CEP152: variants seen among roughly 807,000 people sequenced by gnomAD.
CEP152 encodes centrosomal protein of 152 kDa.
CEP152 carries 132 observed loss-of-function variants against 188.9 expected under a neutral mutation model. The ratio of observed to expected loss-of-function variants is 0.70; its 90% CI spans 0.61 to 0.81. The LOEUF is 0.81. Among genes scored for constraint, CEP152 ranks in the 30% least tolerant of loss-of-function variants. CEP152 has a pLI of 0.00. For synonymous variants in CEP152, 649 were observed against 666.6 expected (o/e 0.97, Z 0.41); for missense variants, 1,914 against 1,969.8 (o/e 0.97, Z 0.54).
chr15:48,741,574 A>C, intron 26 of CEP152, 27 bp downstream of exon 26: 2 of 1,614,024 alleles, frequency 1.2e-6, no homozygotes, highest in Non-Finnish European at 1.7e-6. Flanking sequence ...AGATAGAAAA[A>C]CCATTTGGCG....
In CEP152 at chr15:48,738,333, A is replaced by C; in HGVS notation, c.5049T>G (p.Cys1683Trp). 1 of 1,614,184 alleles carries C rather than the reference A, an allele frequency of 6.2e-7. No individual in the cohort carries two copies. Among genetic ancestry groups the C allele is most frequent in the East Asian group, 2.2e-5 (1 of 44,888 alleles). Residue 1683 changes from cysteine (C) to tryptophan (W), a missense_variant, in exon 27 of 27, where the codon TGT becomes TGG. Physicochemically the swap from Cys to Trp is radical, Grantham distance 215 (BLOSUM62 -2). Coordinates refer to ENST00000380950, the MANE Select transcript of CEP152 (RefSeq NM_001194998.2). Reference protein sequence around the residue: ...KLSSTLPSSVCQQPSRKLIVP... With the variant: ...KLSSTLPSSVWQQPSRKLIVP... Reference sequence around the variant, plus strand: ...CAATTAATTTTCTTGAAGGCTGCTGACACACTGAAGATGGTAATGTACTGC... The same window carrying C: ...CAATTAATTTTCTTGAAGGCTGCTGCCACACTGAAGATGGTAATGTACTGC...
chr15:48,738,777 T>C lies in CEP152; in HGVS notation c.4605A>G (p.Val1535=), dbSNP rs1176662106. Residue 1535 remains valine, a synonymous_variant, in exon 27 of 27, where the codon GTA becomes GTG. Transcript: ENST00000380950. Reference sequence around the variant, plus strand: ...TTTCCATTAGTGGATTGCATTTATATACTTTTAAACCAAGTCTTTCATTAG... The same window carrying C: ...TTTCCATTAGTGGATTGCATTTATACACTTTTAAACCAAGTCTTTCATTAG... ...RDSNERLGLK[V]YKCNPLMESE... The C allele has an allele frequency of 3.1e-6, 5 of 1,614,112 alleles. No individual in the cohort carries two copies. The Admixed American group carries it at 5.0e-5, about 16-fold the overall frequency.
intron 2 of CEP152, among the ~76,000 whole-genome samples, chr15:48,731,660 T>C (rs868659103): frequency 6.4e-4 from 97 of 152,160 alleles, no homozygotes; most frequent in African/African-American, 2.1e-3. Flanking sequence ...CAAAAGCAAT[T>C]GCAACAAAAA....
In CEP152 at chr15:48,738,838, G is replaced by T. The variant is rs1892754016; in HGVS notation, c.4544C>A (p.Ser1515Tyr). The change falls in exon 27 of 27, where the codon TCT becomes TAT. Residue 1515 changes from serine (S) to tyrosine (Y), a missense_variant. Ser to Tyr is a moderately radical substitution (Grantham distance 144, BLOSUM62 -2). Coordinates refer to ENST00000380950, the MANE Select transcript of CEP152 (RefSeq NM_001194998.2). ...KPSPRCTPGPSESGCMHITFR... is the reference protein window; with the variant it reads ...KPSPRCTPGPYESGCMHITFR... ...GGTTATATGCATGCATCCTGATTCA[G>T]AAGGACCAGGGGTACATCTAGGTGA... is the stretch of plus-strand genomic sequence containing the variant. 1 of 1,614,198 alleles carries T rather than the reference G, an allele frequency of 6.2e-7. No homozygotes were observed. The highest frequency in any genetic ancestry group is 8.5e-7 in the Non-Finnish European group (1 of 1,180,034).
intron 12 of CEP152, 96 bp from the exon 13 acceptor site, chr15:48,772,787 GT>G: frequency 9.8e-7 from 1 of 1,019,272 alleles, no homozygotes; most frequent in Non-Finnish European, 1.5e-6. Context: ...AACATGTTTT[GT>G]CACCTATACA....
intron 1 of CEP152, chr15:48,810,496 AT>A (rs1384164985): frequency 6.6e-5 from 10 of 152,406 alleles, no homozygotes; most frequent in African/African-American, 2.2e-4. Context: ...CACAATAAGC[AT>A]CCACAGGCTG....
intron 15 of CEP152, 41 bp downstream of exon 15, chr15:48,768,178 G>A (rs1895263071): frequency 1.7e-6 from 2 of 1,153,262 alleles, no homozygotes; most frequent in Non-Finnish European, 2.6e-6. Context: ...GAGGGGAAGG[G>A]TACCCAGGAG....
intron 19 of CEP152, among the ~76,000 whole-genome samples, chr15:48,759,501 A>G (rs2140694381): frequency 6.6e-6 from 1 of 152,344 alleles, no homozygotes; most frequent in Admixed American, 6.5e-5. Context: ...GACTCAATAC[A>G]GTCTGAGTTG....
At chr15:48,770,311 A>G (rs1185705872) in intron 13 of CEP152, among the ~76,000 whole-genome samples, 1 of 152,162 alleles carries the variant, frequency 6.6e-6, no homozygotes, top group Admixed American at 6.5e-5. Flanking sequence ...TTAGATGTAC[A>G]CTACCGAGAA....
intron 2 of CEP152, among the ~76,000 whole-genome samples, chr15:48,732,202 T>C (rs947850738): frequency 2.6e-5 from 4 of 152,236 alleles, no homozygotes; most frequent in African/African-American, 4.8e-5. Flanking sequence ...CAAAGGATTA[T>C]GAATCAATCT....
rs1894283532 is a variant in CEP152, at chr15:48,756,486, A to G, written c.2762T>C (p.Ile921Thr). ...CTCTTCCAATTCCTTTCCAGGAAGT[A>G]TATTTTTCCTCATATTTTCAAGCTC... is the stretch of plus-strand genomic sequence containing the variant. Reference protein sequence around the residue: ...KSELENMRKNILPGKELEEKI... With the variant: ...KSELENMRKNTLPGKELEEKI... The change falls in exon 20 of 27, where the codon ATA becomes ACA. Residue 921 changes from isoleucine to threonine, a missense_variant. Coordinates refer to ENST00000380950, the MANE Select transcript of CEP152 (RefSeq NM_001194998.2). The G allele has an allele frequency of 1.2e-6, 2 of 1,612,808 alleles. No individual in the cohort carries two copies. The highest frequency in any genetic ancestry group is 1.7e-5 in the Admixed American group (1 of 59,972).
At position 48,739,229 on chromosome 15, in the gene CEP152, T is replaced by C. The variant is rs933580453; in HGVS notation, c.4153A>G (p.Asn1385Asp). The C allele has an allele frequency of 6.2e-7, 1 of 1,613,694 alleles. No homozygotes were observed. Among genetic ancestry groups the C allele is most frequent in the African/African-American group, 1.3e-5 (1 of 74,992 alleles). Residue 1385 changes from asparagine to aspartate, a missense_variant, in exon 27 of 27, where the codon AAT (asparagine) becomes GAT (aspartate). Transcript: ENST00000380950. ...AVKKSKRNDV[N>D]QKIPCCIESK... ...TCAATACAACATGGTATTTTCTGAT[T>C]CACATCATTTCTTTTTGATTTTTTA... is the stretch of plus-strand genomic sequence containing the variant.
intron 13 of CEP152, among the ~76,000 whole-genome samples, chr15:48,771,768 A>G (rs920194029): frequency 6.6e-6 from 1 of 152,224 alleles, no homozygotes. Context: ...TATTAAAACC[A>G]TAGCTTAGCC....
At chr15:48,806,109 C>G (rs908995151) in intron 1 of CEP152, among the ~76,000 whole-genome samples, 1 of 151,974 alleles carries the variant, frequency 6.6e-6, no homozygotes, top group African/African-American at 2.4e-5. Flanking sequence ...AAGAAGGCCC[C>G]TAAATCATGA....
chr15:48,760,204 C>A lies in CEP152; in HGVS notation c.2625G>T (p.Glu875Asp). ...RWLGELPELA[E>D]YQALVKAEQK... ...GTTCTGCCTTCACAAGTGCTTGATA[C>A]TCTGCCAGCTCTGGTAGTTCTCCCA... Residue 875 changes from glutamate to aspartate, a missense_variant, in exon 19 of 27, where the codon GAG becomes GAT. Coordinates refer to ENST00000380950, the MANE Select transcript of CEP152 (RefSeq NM_001194998.2). The A allele has an allele frequency of 6.8e-6, 11 of 1,614,120 alleles. No homozygotes were observed. The highest frequency in any genetic ancestry group is 9.3e-6 in the Non-Finnish European group (11 of 1,179,978).
At chr15:48,757,934 C>A (rs1894397495) in intron 19 of CEP152, among the ~76,000 whole-genome samples, 1 of 152,180 alleles carries the variant, frequency 6.6e-6, no homozygotes, top group South Asian at 2.1e-4. Context: ...ATTTTTATAA[C>A]CTGCCCAACC....
rs756073683 is a variant in CEP152, at chr15:48,761,612, G to A, written c.2562+779C>T. Among the ~76,000 whole-genome samples the A allele has an allele frequency of 3.9e-4, 59 of 152,154 alleles. 1 individual carries two copies. Among genetic ancestry groups the A allele is most frequent in the Non-Finnish European group, 4.9e-4 (33 of 68,018 alleles). On this transcript the variant is annotated intron_variant, in intron 18 of 26. Coordinates refer to ENST00000380950, the MANE Select transcript of CEP152 (RefSeq NM_001194998.2). ...CATGTCATTGTTCTGACAGTCAGTG[G>A]AATGTGTGCTTGGGTATTTTTGTTT...
chr15:48,759,715 C>G lies in CEP152; in HGVS notation c.2694+420G>C, dbSNP rs147784687. ...GGAAGAGTACACATGGTTATAATAT[C>G]TGTATTTTCCAGTCAAGAAACATGA... On this transcript the variant is annotated intron_variant, in intron 19 of 26. Transcript: ENST00000380950. 4.4e-3 allele frequency among the ~76,000 whole-genome samples: 674 copies of G among 152,242 alleles called. 1 individual carries two copies. Among genetic ancestry groups the G allele is most frequent in the African/African-American group, 0.015 (644 of 41,560 alleles).
At chr15:48,733,766 A>G (rs1892502859), downstream of CEP152, among the ~76,000 whole-genome samples, 1 of 152,186 alleles carries the variant, frequency 6.6e-6, no homozygotes, top group African/African-American at 2.4e-5. Context: ...ACAGTATAAG[A>G]AAAACAATTC....
Sources: gnomAD v4.1 joint callset for allele counts (sites outside exome capture counted in the v4.1 genomes callset) on GRCh38, gnomAD v4.1.1 for gene constraint, MANE v1.5 for transcripts, NCBI Gene and HGNC (gene_info 2026-07-23, HGNC 2026-07-21) for gene names.